ZNF423: variants seen among roughly 807,000 people sequenced by gnomAD.
ZNF423 encodes the protein zinc finger protein 423, also known as Ebf-associated zinc finger protein.
In ZNF423, 12 loss-of-function variants were observed where a neutral mutation model predicts 95.8. The ratio of observed to expected loss-of-function variants is 0.13; its 90% CI spans 0.08 to 0.20. The LOEUF (loss-of-function observed/expected upper bound fraction) is 0.20, where lower values mean the gene tolerates loss of function less well. Among genes scored for constraint, ZNF423 ranks in the 10% least tolerant of loss-of-function variants. The probability of loss-of-function intolerance (pLI) is 1.00; values close to 1 mark genes in which losing one functional copy is unlikely to be tolerated. For synonymous variants in ZNF423, 749 were observed against 711.9 expected (o/e 1.05, Z -0.83); for missense variants, 1,316 against 1,737.1 (o/e 0.76, Z 4.31).
At chr16:49,823,387 T>G (rs1219931318) in intron 1 of ZNF423, among the ~76,000 whole-genome samples, 1 of 152,120 alleles carries the variant, frequency 6.6e-6, no homozygotes, top group East Asian at 1.9e-4. Context: ...TTCACAGCTG[T>G]GCAGAAAAAA....
chr16:49,624,305 AT>A (rs374106388), intron 5 of ZNF423, among the ~76,000 whole-genome samples: 228 of 152,286 alleles, frequency 1.5e-3, no homozygotes, highest in African/African-American at 5.3e-3. Flanking sequence ...AATCCCAGAA[AT>A]TCGGGAGGCT....
chr16:49,620,268 C>T (rs1207572960), intron 5 of ZNF423, among the ~76,000 whole-genome samples: 1 of 151,900 alleles, frequency 6.6e-6, no homozygotes, highest in Non-Finnish European at 1.5e-5. Flanking sequence ...AAACACATGC[C>T]TCCCTCCAGG....
At chr16:49,800,463 G>A (rs1200386106) in intron 1 of ZNF423, among the ~76,000 whole-genome samples, 1 of 152,110 alleles carries the variant, frequency 6.6e-6, no homozygotes, top group Non-Finnish European at 1.5e-5. Flanking sequence ...ACTGATCGGG[G>A]TTCTTTCTCT....
At chr16:49,553,497 C>T (rs1033454406) in intron 5 of ZNF423, among the ~76,000 whole-genome samples, 6 of 152,034 alleles carry the variant, frequency 3.9e-5, no homozygotes, top group South Asian at 2.1e-4. Context: ...CAGGCATGCA[C>T]CACCCCCACG....
chr16:49,626,032 C>T lies in ZNF423; in HGVS notation c.3601+138G>A, dbSNP rs1317508578. On this transcript the variant is annotated intron_variant, in intron 5 of 7. Transcript: ENST00000563137. ...AAGGGCCCCCATTCTGACATTTTCA[C>T]TCCCATGTGCAATGTCTCAGAAACA... is the stretch of plus-strand genomic sequence containing the variant. 4 of 753,200 alleles carry T rather than the reference C, an allele frequency of 5.3e-6. No individual in the cohort carries two copies. In the East Asian group the frequency reaches 1.0e-4, roughly 19 times the overall value. The allele number at this position is 753,200 out of a possible 1,614,324, so 46.7% of individuals were successfully genotyped here.
chr16:49,529,951 A>C (rs1039790150), intron 5 of ZNF423, among the ~76,000 whole-genome samples: 1 of 151,964 alleles, frequency 6.6e-6, no homozygotes, highest in Non-Finnish European at 1.5e-5. Context: ...TAATGCACAC[A>C]CCTGTCTAGG....
In ZNF423 at chr16:49,855,568, C is replaced by A. The variant is rs1197098108; in HGVS notation, c.40+167G>T. ...CTCCTGCTCCCGGCTTCCTCCTCCC[C>A]CTCCTCCGCCTCCGCCTCCGCCTCC... On this transcript the variant is annotated intron_variant, in intron 1 of 7. Transcript: ENST00000563137. The surrounding 1 kb of genome is among the most constrained non-coding windows in gnomAD (Gnocchi z 4.7). Among the ~76,000 whole-genome samples the A allele has an allele frequency of 1.3e-5, 2 of 150,934 alleles. No individual in the cohort carries two copies. The highest frequency in any genetic ancestry group is 6.6e-5 in the Admixed American group (1 of 15,192).
chr16:49,714,449 G>A (rs757006518), intron 3 of ZNF423, among the ~76,000 whole-genome samples: 9 of 152,048 alleles, frequency 5.9e-5, no homozygotes, highest in Non-Finnish European at 1.2e-4. Context: ...CTGAGGTCAC[G>A]AGTTCAAGAC....
At chr16:49,705,220 C>G (rs1024792352) in intron 3 of ZNF423, among the ~76,000 whole-genome samples, 1 of 152,148 alleles carries the variant, frequency 6.6e-6, no homozygotes, top group African/African-American at 2.4e-5. Flanking sequence ...AGGCCCCAGC[C>G]CTTCACAAAG....
chr16:49,788,937 T>C (rs370157779), intron 2 of ZNF423, among the ~76,000 whole-genome samples: 1 of 152,210 alleles, frequency 6.6e-6, no homozygotes, highest in Non-Finnish European at 1.5e-5. Context: ...CACCTCTTTT[T>C]ACAGCTAAGA....
intron 2 of ZNF423, among the ~76,000 whole-genome samples, chr16:49,737,604 C>T (rs1302228726): frequency 1.3e-5 from 2 of 152,232 alleles, no homozygotes; most frequent in Non-Finnish European, 2.9e-5. Context: ...AAAGGGAATG[C>T]CTGCAAAATC....
At chr16:49,729,688 A>T (rs1053237792) in intron 3 of ZNF423, among the ~76,000 whole-genome samples, 4 of 148,110 alleles carry the variant, frequency 2.7e-5, no homozygotes, top group African/African-American at 7.4e-5. Flanking sequence ...TTATTATTTT[A>T]AAAATATCTG....
At chr16:49,601,205 T>C (rs1190369247) in intron 5 of ZNF423, among the ~76,000 whole-genome samples, 1 of 152,186 alleles carries the variant, frequency 6.6e-6, no homozygotes, top group Admixed American at 6.5e-5. Context: ...CAATGTGGCA[T>C]GGTGGTGAGG....
At chr16:49,551,208 T>G (rs564329368) in intron 5 of ZNF423, among the ~76,000 whole-genome samples, 3 of 152,382 alleles carry the variant, frequency 2.0e-5, no homozygotes, top group African/African-American at 7.2e-5. Flanking sequence ...AAAATGTTTT[T>G]GCAACTAAGA....
In ZNF423 at chr16:49,817,860, G is replaced by A. The variant is rs144299734; in HGVS notation, c.41-28314C>T. On this transcript the variant is annotated intron_variant, in intron 1 of 7. Transcript: ENST00000563137. ...TCCATTTTATCAATGAAGAGAATAC[G>A]AGGCCCAGAGAGGTTAAGACACCAT... is the stretch of plus-strand genomic sequence containing the variant. Among the ~76,000 whole-genome samples, 1,012 of 152,022 alleles carry A rather than the reference G, an allele frequency of 6.7e-3. 7 individuals carry two copies. Among genetic ancestry groups the A allele is most frequent in the Non-Finnish European group, 0.011 (730 of 68,004 alleles).
chr16:49,504,759 C>T (rs1967565093), intron 7 of ZNF423, among the ~76,000 whole-genome samples: 1 of 152,186 alleles, frequency 6.6e-6, no homozygotes. Flanking sequence ...ATGCCACCAG[C>T]TGAGTGCAAG....
intron 3 of ZNF423, among the ~76,000 whole-genome samples, chr16:49,709,282 C>T (rs1016278930): frequency 1.3e-5 from 2 of 151,736 alleles, no homozygotes; most frequent in South Asian, 2.1e-4. Context: ...AACCATCCCT[C>T]GAGGTCAGGA....
At chr16:49,835,788 C>T (rs1422624794) in intron 1 of ZNF423, among the ~76,000 whole-genome samples, 1 of 152,170 alleles carries the variant, frequency 6.6e-6, no homozygotes, top group East Asian at 1.9e-4. Context: ...AAGGTTTCAG[C>T]AGGGAGGGGA....
intron 5 of ZNF423, among the ~76,000 whole-genome samples, chr16:49,617,858 C>T (rs1054786791): frequency 6.6e-5 from 10 of 152,116 alleles, no homozygotes; most frequent in Admixed American, 5.2e-4. Context: ...CCACACAGAC[C>T]CTCTTCAGCC....
Sources: gnomAD v4.1 joint callset for allele counts (sites outside exome capture counted in the v4.1 genomes callset) on GRCh38, gnomAD v4.1.1 for gene constraint, Gnocchi (gnomAD v3.1) non-coding constraint, MANE v1.5 for transcripts, NCBI Gene and HGNC (gene_info 2026-07-23, HGNC 2026-07-21) for gene names.